Variants in NR2F1-AS1 observed in about 807,000 individuals in gnomAD.
NR2F1-AS1 encodes NR2F1 antisense RNA 1.
chr5:93,549,429 T>C (rs1752172779), intron 4 of NR2F1-AS1, among the ~76,000 whole-genome samples: 1 of 152,228 alleles, frequency 6.6e-6, no homozygotes, highest in Admixed American at 6.5e-5. Flanking sequence ...TCTGAGGTAC[T>C]AATTACTCTG....
chr5:93,426,749 G>A lies in NR2F1-AS1; in HGVS notation n.639-31207C>T, dbSNP rs77479530. Reference sequence around the variant, plus strand: ...CTTTTTATTGCCATCTGAGAAGAGTGGGAAAAAGGTAAAAGGAAGAAGAGT... The same window carrying A: ...CTTTTTATTGCCATCTGAGAAGAGTAGGAAAAAGGTAAAAGGAAGAAGAGT... On this transcript the variant is annotated intron_variant and non_coding_transcript_variant, in intron 4 of 5. Coordinates refer to ENST00000660523, the Ensembl canonical transcript of NR2F1-AS1. Among the ~76,000 whole-genome samples, 14 of 152,226 alleles carry A rather than the reference G, an allele frequency of 9.2e-5. No homozygotes were observed. In the East Asian group the frequency reaches 2.7e-3, roughly 29 times the overall value.
At chr5:93,520,207 T>C (rs1297252375) in intron 4 of NR2F1-AS1, among the ~76,000 whole-genome samples, 1 of 152,104 alleles carries the variant, frequency 6.6e-6, no homozygotes, top group Non-Finnish European at 1.5e-5. Context: ...TAAATTTTAG[T>C]TTTTAATAGT....
rs1205065697 is a variant in NR2F1-AS1, at chr5:93,511,092, A to G, written n.638+42669T>C. Reference sequence around the variant, plus strand: ...TGCTTAATTTTATGTGTCAATTTGAATGGGGCCACAGAGTGCTAAGATTAA... The same window carrying G: ...TGCTTAATTTTATGTGTCAATTTGAGTGGGGCCACAGAGTGCTAAGATTAA... On this transcript the variant is annotated intron_variant and non_coding_transcript_variant, in intron 4 of 5. Transcript: ENST00000660523. 2.0e-5 allele frequency among the ~76,000 whole-genome samples: 3 copies of G among 152,160 alleles called. No individual in the cohort carries two copies. In the East Asian group the frequency reaches 5.8e-4, roughly 29 times the overall value.
At chr5:93,444,455 G>T (rs1042724599) in intron 4 of NR2F1-AS1, among the ~76,000 whole-genome samples, 1 of 152,036 alleles carries the variant, frequency 6.6e-6, no homozygotes, top group Non-Finnish European at 1.5e-5. Context: ...GACAAACAAG[G>T]CCATTATATA....
At chr5:93,496,221 T>C (rs1342283862) in intron 4 of NR2F1-AS1, 1 of 152,206 alleles carries the variant, frequency 6.6e-6, no homozygotes, top group Non-Finnish European at 1.5e-5. Context: ...TACCTTTGTC[T>C]GTATGTAAAT....
intron 4 of NR2F1-AS1, among the ~76,000 whole-genome samples, chr5:93,434,395 G>A (rs527246993): frequency 6.6e-6 from 1 of 152,090 alleles, no homozygotes; most frequent in Non-Finnish European, 1.5e-5. Context: ...AAGAACTCCT[G>A]TTTGTGTTTG....
chr5:93,546,160 G>A (rs1261029615), intron 4 of NR2F1-AS1, among the ~76,000 whole-genome samples: 1 of 152,104 alleles, frequency 6.6e-6, no homozygotes, highest in South Asian at 2.1e-4. Flanking sequence ...GGTTTGTAAG[G>A]TATCTAGCAT....
chr5:93,513,037 C>T (rs1580291690), intron 4 of NR2F1-AS1, among the ~76,000 whole-genome samples: 3 of 152,024 alleles, frequency 2.0e-5, no homozygotes, highest in Admixed American at 2.0e-4. Context: ...TGTAGACATA[C>T]AAGCAGCCAA....
chr5:93,426,705 C>G (rs934098016), intron 4 of NR2F1-AS1, among the ~76,000 whole-genome samples: 1 of 152,142 alleles, frequency 6.6e-6, no homozygotes, highest in Non-Finnish European at 1.5e-5. Context: ...ATGCCCCTGG[C>G]AGGGGGTAAC....
At chr5:93,491,618 T>G (rs923398241) in intron 4 of NR2F1-AS1, among the ~76,000 whole-genome samples, 4 of 152,124 alleles carry the variant, frequency 2.6e-5, no homozygotes, top group African/African-American at 9.7e-5. Context: ...TCTGCCCTAA[T>G]CAATATGGGC....
intron 4 of NR2F1-AS1, among the ~76,000 whole-genome samples, chr5:93,420,695 G>T (rs1749070962): frequency 6.6e-6 from 1 of 152,172 alleles, no homozygotes; most frequent in Admixed American, 6.5e-5. Context: ...AAGTGAATGT[G>T]GCCACCTCTT....
chr5:93,556,005 G>A (rs1260620035), intron 2 of NR2F1-AS1, among the ~76,000 whole-genome samples: 1 of 151,990 alleles, frequency 6.6e-6, no homozygotes, highest in Non-Finnish European at 1.5e-5. Context: ...TAACCCTAAA[G>A]AGCCTCACCC....
intron 4 of NR2F1-AS1, among the ~76,000 whole-genome samples, chr5:93,451,427 G>C (rs959783030): frequency 2.0e-5 from 3 of 151,944 alleles, no homozygotes; most frequent in Non-Finnish European, 2.9e-5. Flanking sequence ...TCTTGAGACA[G>C]GGTCTTCCTC....
At chr5:93,538,368 G>A (rs575152770) in intron 4 of NR2F1-AS1, among the ~76,000 whole-genome samples, 18 of 152,188 alleles carry the variant, frequency 1.2e-4, no homozygotes, top group Admixed American at 6.5e-4. Context: ...CCCACTGCTC[G>A]GGAGGCTCAG....
At chr5:93,413,149 GA>G (rs1748895354) in intron 4 of NR2F1-AS1, among the ~76,000 whole-genome samples, 1 of 147,650 alleles carries the variant, frequency 6.8e-6, no homozygotes, top group African/African-American at 2.5e-5. Context: ...AAAACTTACT[GA>G]TTTTTCTACA....
At position 93,572,413 on chromosome 5, in the gene NR2F1-AS1, GAGCCCA is replaced by G. The variant is rs1487626864; in HGVS notation, n.313+8048_313+8053del. Among the ~76,000 whole-genome samples, 5 of 152,212 alleles carry G rather than the reference GAGCCCA, an allele frequency of 3.3e-5. No individual in the cohort carries two copies. The East Asian group carries it at 5.8e-4, about 18-fold the overall frequency. On this transcript the variant is annotated intron_variant and non_coding_transcript_variant, in intron 1 of 5. Coordinates refer to ENST00000660523, the Ensembl canonical transcript of NR2F1-AS1. ...TAGGGGAAGGGCTCATAGAGGGGCAGAGCCCAGGGAGAAGCGACATGCCCCCGGCTC... is the reference window on the plus strand; with the variant it reads ...TAGGGGAAGGGCTCATAGAGGGGCAGGGGAGAAGCGACATGCCCCCGGCTC...
intron 4 of NR2F1-AS1, among the ~76,000 whole-genome samples, chr5:93,537,410 T>C (rs1167901523): frequency 6.6e-6 from 1 of 151,862 alleles, no homozygotes; most frequent in African/African-American, 2.4e-5. Flanking sequence ...AATATTTGCA[T>C]ATTGTACCTC....
At chr5:93,500,925 T>A (rs1029963695) in intron 4 of NR2F1-AS1, among the ~76,000 whole-genome samples, 5 of 152,178 alleles carry the variant, frequency 3.3e-5, no homozygotes, top group African/African-American at 1.2e-4. Context: ...TCAAGTCTTA[T>A]TAATTAAAAA....
chr5:93,450,936 A>C (rs1226663748), intron 4 of NR2F1-AS1, among the ~76,000 whole-genome samples: 2 of 147,244 alleles, frequency 1.4e-5, no homozygotes, highest in African/African-American at 2.6e-5. Context: ...AAAAAAAAAA[A>C]AAACAGAGAG....
Sources: allele counts gnomAD v4.1 joint callset (sites outside exome capture counted in the v4.1 genomes callset), GRCh38; gene constraint gnomAD v4.1.1; transcripts MANE v1.5; gene names NCBI Gene and HGNC (gene_info 2026-07-23, HGNC 2026-07-21).